The following WHRN variants were observed in gnomAD, a reference collection of about 807,000 sequenced individuals.
WHRN encodes the protein CASK-interacting protein CIP98.
A neutral mutation model predicts 68.3 loss-of-function variants in WHRN; 41 were observed. That is an observed-to-expected ratio of 0.60 (90% CI 0.47 to 0.78). WHRN has a LOEUF of 0.78. WHRN is among the 30% of genes least tolerant of loss of function. The pLI, the probability that WHRN is intolerant of heterozygous loss-of-function variation, is 0.00. For missense variants in WHRN, 1,243 were observed against 1,244.7 expected, an observed-to-expected ratio of 1.00 and a Z score of 0.02; for synonymous variants, 560 against 561.3, an observed-to-expected ratio of 1.00 and a Z score of 0.03.
At chr9:114,448,818 G>A (rs1430171393) in intron 3 of WHRN, among the ~76,000 whole-genome samples, 2 of 152,138 alleles carry the variant, frequency 1.3e-5, no homozygotes, top group East Asian at 1.9e-4. Flanking sequence ...TTCCAGCTGC[G>A]GCTGCAGACA....
intron 7 of WHRN, among the ~76,000 whole-genome samples, chr9:114,408,670 C>T (rs897531650): frequency 2.6e-5 from 4 of 152,234 alleles, no homozygotes; most frequent in Non-Finnish European, 1.5e-5. Flanking sequence ...CCAGTTCTCT[C>T]GGCCCTAGAG....
intron 1 of WHRN, among the ~76,000 whole-genome samples, chr9:114,485,011 A>C (rs769974822): frequency 1.1e-4 from 17 of 152,206 alleles, no homozygotes; most frequent in Non-Finnish European, 1.5e-4. Context: ...CACCAAAGGC[A>C]AGCATGGGGT....
At chr9:114,504,063 A>G in intron 1 of WHRN, 121 bp downstream of exon 1, 1 of 1,464,946 alleles carries the variant, frequency 6.8e-7, no homozygotes, top group Non-Finnish European at 9.2e-7. Flanking sequence ...GTATTAAAAA[A>G]AAAAAAAAAG....
intron 2 of WHRN, among the ~76,000 whole-genome samples, chr9:114,469,848 G>A: frequency 1.3e-5 from 2 of 152,348 alleles, no homozygotes; most frequent in South Asian, 4.1e-4. Flanking sequence ...CTCCAGAGGA[G>A]AACCCGCTTC....
At chr9:114,452,153 T>C (rs192040537) in intron 3 of WHRN, among the ~76,000 whole-genome samples, 1 of 152,260 alleles carries the variant, frequency 6.6e-6, no homozygotes, top group Non-Finnish European at 1.5e-5. Flanking sequence ...AAATGTATCA[T>C]TACTGTTTCC....
intron 7 of WHRN, among the ~76,000 whole-genome samples, chr9:114,416,532 C>A (rs1445515457): frequency 1.3e-5 from 2 of 152,140 alleles, no homozygotes; most frequent in Non-Finnish European, 2.9e-5. Context: ...TACAGGACTT[C>A]CCCCTTCTCT....
In WHRN at chr9:114,430,744, C is replaced by T. The variant is rs931140646; in HGVS notation, c.964-4331G>A. 4.6e-5 allele frequency among the ~76,000 whole-genome samples: 7 copies of T among 152,166 alleles called. No homozygotes were observed. The South Asian group carries it at 8.3e-4, about 18-fold the overall frequency. ...ATTCCTGTGCAATCTGCCTGGGGAACGGCTGTGAAATGGGAGTCACACTTG... is the reference window on the plus strand; with the variant it reads ...ATTCCTGTGCAATCTGCCTGGGGAATGGCTGTGAAATGGGAGTCACACTTG... On this transcript the variant is annotated intron_variant, in intron 3 of 11. Transcript: ENST00000362057.
intron 9 of WHRN, among the ~76,000 whole-genome samples, chr9:114,405,747 G>C (rs879341909): frequency 6.6e-6 from 1 of 152,220 alleles, no homozygotes; most frequent in African/African-American, 2.4e-5. Flanking sequence ...CACTGTAGCC[G>C]CAAGATGGCA....
At chr9:114,495,780 GAGAA>G (rs1285222243) in intron 1 of WHRN, among the ~76,000 whole-genome samples, 1 of 152,168 alleles carries the variant, frequency 6.6e-6, no homozygotes, top group Non-Finnish European at 1.5e-5. Context: ...ATTCTCTAAA[GAGAA>G]AGAAGAGGGA....
chr9:114,480,514 C>A (rs1386058192), intron 1 of WHRN, among the ~76,000 whole-genome samples: 1 of 151,952 alleles, frequency 6.6e-6, no homozygotes, highest in African/African-American at 2.4e-5. Context: ...CATGTGGGGA[C>A]ACAATGAGAA....
chr9:114,445,332 A>G (rs1484008754), intron 3 of WHRN, among the ~76,000 whole-genome samples: 1 of 152,154 alleles, frequency 6.6e-6, no homozygotes, highest in Non-Finnish European at 1.5e-5. Flanking sequence ...GTAAGCCACC[A>G]CACCTGGGCT....
intron 1 of WHRN, among the ~76,000 whole-genome samples, chr9:114,491,046 T>C (rs1359884738): frequency 6.6e-6 from 1 of 152,236 alleles, no homozygotes; most frequent in East Asian, 1.9e-4. Context: ...GTCATAAATA[T>C]ATTCACTCAA....
chr9:114,408,973 C>T (rs765439932), intron 7 of WHRN, among the ~76,000 whole-genome samples: 1 of 152,218 alleles, frequency 6.6e-6, no homozygotes, highest in Admixed American at 6.5e-5. Flanking sequence ...CCTCAGACAC[C>T]GGAGCTCATG....
chr9:114,470,211 AG>A (rs1230472960), intron 2 of WHRN, among the ~76,000 whole-genome samples: 1 of 152,216 alleles, frequency 6.6e-6, no homozygotes, highest in Non-Finnish European at 1.5e-5. Context: ...GTCTATTCCC[AG>A]GAGCCCAGCC....
intron 7 of WHRN, among the ~76,000 whole-genome samples, chr9:114,412,566 G>A (rs75426603): frequency 1.4e-4 from 21 of 152,326 alleles, no homozygotes; most frequent in Non-Finnish European, 2.6e-4. Context: ...TTCAAGGCCC[G>A]ACTCCATATC....
At chr9:114,417,885 A>G (rs1835934738) in intron 7 of WHRN, among the ~76,000 whole-genome samples, 1 of 152,214 alleles carries the variant, frequency 6.6e-6, no homozygotes, top group African/African-American at 2.4e-5. Flanking sequence ...CTCCTGATGC[A>G]GAGAAGACTC....
chr9:114,445,424 AT>A (rs1838735421), intron 3 of WHRN, among the ~76,000 whole-genome samples: 1 of 152,222 alleles, frequency 6.6e-6, no homozygotes, highest in Non-Finnish European at 1.5e-5. Context: ...CAAACTGTTC[AT>A]AGGAGTTGCC....
intron 8 of WHRN, 101 bp from the exon 9 acceptor site, chr9:114,406,993 G>T: frequency 7.1e-7 from 1 of 1,405,514 alleles, no homozygotes; most frequent in Non-Finnish European, 9.8e-7. Context: ...CTGGAATTCT[G>T]TCCCCACTCT....
intron 1 of WHRN, chr9:114,503,011 G>T: frequency 2.0e-6 from 1 of 507,960 alleles, no homozygotes; most frequent in Non-Finnish European, 2.5e-6. Flanking sequence ...GTTTCTGAAA[G>T]CCTCAAGGGC....
Sources: allele counts gnomAD v4.1 joint callset (sites outside exome capture counted in the v4.1 genomes callset), GRCh38; gene constraint gnomAD v4.1.1; transcripts MANE v1.5; gene names NCBI Gene and HGNC (gene_info 2026-07-23, HGNC 2026-07-21).